CCDC14: variants seen among roughly 807,000 people sequenced by gnomAD.
CCDC14 encodes the protein coiled-coil domain-containing protein 14.
A neutral mutation model predicts 81.4 loss-of-function variants in CCDC14; 71 were observed. That is an observed-to-expected ratio of 0.87 (90% CI 0.72 to 1.06). CCDC14 has a LOEUF of 1.06. Among genes scored for constraint, CCDC14 ranks in the 50% least tolerant of loss-of-function variants. The probability of loss-of-function intolerance (pLI) is 0.00; values close to 1 mark genes in which losing one functional copy is unlikely to be tolerated. For missense variants in CCDC14, 1,046 were observed against 1,047.3 expected (o/e 1.00, Z 0.02); for synonymous variants, 332 against 364.8 (o/e 0.91, Z 1.03).
chr3:123,892,355 T>C (rs2034002088), downstream of CCDC14, among the ~76,000 whole-genome samples: 1 of 152,216 alleles, frequency 6.6e-6, no homozygotes, highest in Admixed American at 6.5e-5. Context: ...CAGCTGGGAC[T>C]CAGGGTGCCA....
At chr3:123,956,154 G>A (rs2148960929) in intron 3 of CCDC14, 39 bp from the exon 4 acceptor site, 3 of 1,464,696 alleles carry the variant, frequency 2.0e-6, no homozygotes, top group Non-Finnish European at 2.8e-6. Context: ...ATTTGTATAT[G>A]ACTGTTAGTG....
intron 5 of CCDC14, among the ~76,000 whole-genome samples, chr3:123,900,736 T>C (rs1460753568): frequency 6.6e-6 from 1 of 152,160 alleles, no homozygotes; most frequent in African/African-American, 2.4e-5. Flanking sequence ...CACAAAGTAT[T>C]TGAATAGATT....
downstream of CCDC14, among the ~76,000 whole-genome samples, chr3:123,893,615 G>T (rs1442647583): frequency 6.6e-6 from 1 of 151,944 alleles, no homozygotes; most frequent in East Asian, 1.9e-4. Context: ...TGAGTCATAT[G>T]TCTATTTTTT....
chr3:123,956,709 T>A (rs1429692255), intron 2 of CCDC14, 31 bp downstream of exon 2: 5 of 1,520,498 alleles, frequency 3.3e-6, no homozygotes, highest in Non-Finnish European at 4.5e-6. Flanking sequence ...TTCCTTGAAA[T>A]CTGAAGTTGT....
At chr3:123,952,761 A>G (rs755126093) in intron 5 of CCDC14, 47 of 299,468 alleles carry the variant, frequency 1.6e-4, no homozygotes, top group Non-Finnish European at 2.9e-4. Context: ...ATGCTGTAAT[A>G]GATCGCTTAA....
chr3:123,932,422 G>A (rs997877499), intron 10 of CCDC14, among the ~76,000 whole-genome samples: 4 of 151,970 alleles, frequency 2.6e-5, no homozygotes, highest in Non-Finnish European at 5.9e-5. Context: ...TGCTCATTCT[G>A]TTGGGCAATC....
intron 5 of CCDC14, chr3:123,897,695 C>T: frequency 1.6e-6 from 1 of 632,858 alleles, no homozygotes; most frequent in Non-Finnish European, 2.1e-6. Context: ...TGTCATCCTT[C>T]CTTCATATTC....
rs1311034490 is a variant in CCDC14, at chr3:123,914,862, C to G, written c.2635G>C (p.Asp879His). The change falls in exon 13 of 13, where the codon GAC becomes CAC. Residue 879 changes from aspartate (D) to histidine (H), a missense_variant. Transcript: ENST00000409697. ...FSTFTSRDEQ[D>H]FRNGLAALDA... ...AATGCCGCAAGGCCATTTCTGAAGT[C>G]TTGTTCATCACGAGAAGTGAACGTT... 1 of 1,611,766 alleles carries G rather than the reference C, an allele frequency of 6.2e-7. No individual in the cohort carries two copies. Among genetic ancestry groups the G allele is most frequent in the Non-Finnish European group, 8.5e-7 (1 of 1,178,894 alleles).
chr3:123,927,618 C>T (rs1464714575), intron 12 of CCDC14, among the ~76,000 whole-genome samples: 2 of 151,696 alleles, frequency 1.3e-5, no homozygotes, highest in African/African-American at 2.4e-5. Flanking sequence ...AGGATTTATG[C>T]CCAGCATAAA....
chr3:123,914,637 C>A lies in CCDC14; in HGVS notation c.*142G>T. On this transcript the variant is annotated 3_prime_UTR_variant, in exon 13 of 13. Transcript: ENST00000409697. ...TATAAGCTCCTCAGTGTCAATATAT[C>A]TCAACAATACATTTATTACTTGTAC... 7.4e-7 allele frequency: 1 copy of A among 1,356,680 alleles called. No individual in the cohort carries two copies. The highest frequency in any genetic ancestry group is 2.1e-5 in the South Asian group (1 of 47,616). The allele number at this position is 1,356,680 out of a possible 1,614,324, so 84.0% of individuals were successfully genotyped here. A position where few individuals can be genotyped will look rare whatever the true frequency, so the allele number is the denominator to read the frequency against.
intron 12 of CCDC14, among the ~76,000 whole-genome samples, chr3:123,925,083 TC>T (rs2035284464): frequency 6.6e-6 from 1 of 151,794 alleles, no homozygotes; most frequent in African/African-American, 2.4e-5. Flanking sequence ...AATGATTATT[TC>T]TTTAAGGAAA....
intron 12 of CCDC14, 69 bp downstream of exon 12, chr3:123,931,030 CATT>C: frequency 7.6e-7 from 1 of 1,316,718 alleles, no homozygotes; most frequent in Admixed American, 2.7e-5. Context: ...ACAGGTCTAA[CATT>C]ATTTTGAAGT....
At chr3:123,901,475 C>T (rs1330347347) in intron 5 of CCDC14, among the ~76,000 whole-genome samples, 8 of 151,394 alleles carry the variant, frequency 5.3e-5, no homozygotes, top group Admixed American at 2.0e-4. Context: ...ACATAACTGG[C>T]TACTCACTTG....
At chr3:123,919,980 A>T (rs1004198439) in intron 12 of CCDC14, among the ~76,000 whole-genome samples, 1 of 152,338 alleles carries the variant, frequency 6.6e-6, no homozygotes, top group Admixed American at 6.5e-5. Flanking sequence ...TGTTCAGGGA[A>T]CTACAAGAAA....
intron 12 of CCDC14, among the ~76,000 whole-genome samples, chr3:123,919,984 C>A (rs1016834342): frequency 6.6e-6 from 1 of 151,554 alleles, no homozygotes; most frequent in Non-Finnish European, 1.5e-5. Flanking sequence ...CAGGGAACTA[C>A]AAGAAAATAT....
chr3:123,949,452 C>G (rs1382443040), intron 5 of CCDC14: 2 of 273,154 alleles, frequency 7.3e-6, no homozygotes, highest in Admixed American at 9.5e-5. Context: ...AAAGTCCAGT[C>G]AAACTCCTTC....
At chr3:123,908,245 C>T (rs529391301) in intron 5 of CCDC14, among the ~76,000 whole-genome samples, 34 of 152,234 alleles carry the variant, frequency 2.2e-4, no homozygotes, top group Admixed American at 3.9e-4. Context: ...TTTGGTGTTG[C>T]GATCTTTCCT....
chr3:123,931,404 C>A lies in CCDC14; in HGVS notation c.1549G>T (p.Glu517Ter). The change falls in exon 11 of 13, where the codon GAA becomes TAA. Residue 517 changes from glutamate to a stop codon, truncating the protein, a stop_gained. Transcript: ENST00000409697. LOFTEE classifies it high-confidence loss of function. ...LLKVIENQKD[E>*]NKKFSSIFKD... ...AATATACTACTAAATTTTTTGTTTTCATCTTTCTGATTTTCAATCACTTTT... is the reference window on the plus strand; with the variant it reads ...AATATACTACTAAATTTTTTGTTTTAATCTTTCTGATTTTCAATCACTTTT... 6.5e-7 allele frequency: 1 copy of A among 1,544,286 alleles called. No individual in the cohort carries two copies. The highest frequency in any genetic ancestry group is 1.2e-5 in the South Asian group (1 of 83,688).
At chr3:123,910,176 AT>A (rs1340855866), downstream of CCDC14, among the ~76,000 whole-genome samples, 6 of 152,110 alleles carry the variant, frequency 3.9e-5, no homozygotes, top group Non-Finnish European at 5.9e-5. Context: ...CTGCCCTAAC[AT>A]GGTGCCACTC....
Sources: gnomAD v4.1 joint callset for allele counts (sites outside exome capture counted in the v4.1 genomes callset) on GRCh38, gnomAD v4.1.1 for gene constraint, MANE v1.5 for transcripts, NCBI Gene and HGNC (gene_info 2026-07-23, HGNC 2026-07-21) for gene names.